ACSL5: variants seen among roughly 807,000 people sequenced by gnomAD.
The protein encoded by ACSL5 is long-chain-fatty-acid--CoA ligase 5.
ACSL5 carries 50 observed loss-of-function variants against 84.9 expected under a neutral mutation model. That is an observed-to-expected ratio of 0.59 (90% CI 0.47 to 0.75). The LOEUF (loss-of-function observed/expected upper bound fraction) is 0.75, where lower values mean the gene tolerates loss of function less well. Among genes scored for constraint, ACSL5 ranks in the 30% least tolerant of loss-of-function variants. The pLI is 0.00. For missense variants in ACSL5, 775 were observed against 830.4 expected, an observed-to-expected ratio of 0.93 and a Z score of 0.82; for synonymous variants, 280 against 300.7, an observed-to-expected ratio of 0.93 and a Z score of 0.71.
At chr10:112,402,460 T>A (rs1396839355) in intron 3 of ACSL5, among the ~76,000 whole-genome samples, 1 of 152,170 alleles carries the variant, frequency 6.6e-6, no homozygotes, top group Non-Finnish European at 1.5e-5. Flanking sequence ...GTACAAATGA[T>A]CTCAATGTTA....
rs11556760 is a variant in ACSL5 at position 112,427,382 on chromosome 10, G to A, written c.*24G>A. 3.7e-5 allele frequency: 59 copies of A among 1,590,960 alleles called. No individual in the cohort carries two copies. Among genetic ancestry groups the A allele is most frequent in the Admixed American group, 1.4e-4 (8 of 56,812 alleles). On this transcript the variant is annotated 3_prime_UTR_variant, in exon 21 of 21. Transcript: ENST00000354655. ...AGGATAAGGTACTTAAGTACCTGCC[G>A]GCCCACTGTGCACTGCTTGTGAGAA...
At chr10:112,394,860 T>G in intron 1 of ACSL5, 58 bp from the exon 2 acceptor site, 1 of 1,592,150 alleles carries the variant, frequency 6.3e-7, no homozygotes. Flanking sequence ...ATAGAGCTAT[T>G]GAGTACAAAA....
chr10:112,389,809 T>G (rs192384886), intron 1 of ACSL5, among the ~76,000 whole-genome samples: 7 of 152,046 alleles, frequency 4.6e-5, no homozygotes, highest in African/African-American at 1.7e-4. Flanking sequence ...GACCCAGGAG[T>G]CTCACCTTCT....
At chr10:112,374,818 C>T (rs1017699918) in intron 1 of ACSL5, among the ~76,000 whole-genome samples, 1 of 152,158 alleles carries the variant, frequency 6.6e-6, no homozygotes, top group Admixed American at 6.5e-5. Context: ...AACAGCATGG[C>T]CTAAGCTACA....
intron 5 of ACSL5, among the ~76,000 whole-genome samples, chr10:112,407,214 T>TTTTATTTA (rs1239437412): frequency 6.6e-6 from 1 of 151,866 alleles, no homozygotes; most frequent in African/African-American, 2.4e-5. Flanking sequence ...TGAGATTTTA[T>TTTTATTTA]TTTATTTATT....
At chr10:112,420,560 G>A (rs761835532) in intron 14 of ACSL5, among the ~76,000 whole-genome samples, 4 of 151,986 alleles carry the variant, frequency 2.6e-5, no homozygotes, top group Non-Finnish European at 5.9e-5. Flanking sequence ...TCATAGTGGG[G>A]GCTATTTCCC....
At position 112,378,267 on chromosome 10, in the gene ACSL5, C is replaced by G. The variant is rs573894713; in HGVS notation, c.-30+3998C>G. ...TTTTTTTTTTTTTTTTTGGAGGAGC[C>G]TCACTCTGTCACCTAGACTCCCAGG... On this transcript the variant is annotated intron_variant, in intron 1 of 20. Coordinates refer to ENST00000354655, the MANE Select transcript of ACSL5 (RefSeq NM_203379.2). Among the ~76,000 whole-genome samples the G allele has an allele frequency of 2.1e-3, 262 of 123,164 alleles. 2 individuals are homozygous for G. The highest frequency in any genetic ancestry group is 3.1e-3 in the Admixed American group (32 of 10,370). 80.8% of individuals were successfully genotyped at this position (123,164 alleles called of 152,430 possible).
intron 1 of ACSL5, among the ~76,000 whole-genome samples, chr10:112,385,608 A>G (rs1849434282): frequency 6.6e-6 from 1 of 152,176 alleles, no homozygotes; most frequent in Non-Finnish European, 1.5e-5. Context: ...CCTAATTGTA[A>G]ATAACTTGCT....
chr10:112,420,244 G>A (rs1447261324), intron 14 of ACSL5, among the ~76,000 whole-genome samples: 1 of 152,006 alleles, frequency 6.6e-6, no homozygotes, highest in African/African-American at 2.4e-5. Context: ...CCTATCACAG[G>A]CCACACCCCC....
At chr10:112,411,355 GCCT>G in intron 9 of ACSL5, 98 bp from the exon 10 acceptor site, 1 of 958,758 alleles carries the variant, frequency 1.0e-6, no homozygotes, top group South Asian at 1.4e-5. Context: ...AATGCTCTTG[GCCT>G]TCTGGAATAA....
chr10:112,409,787 G>T (rs778697846), intron 7 of ACSL5, 102 bp downstream of exon 7: 4 of 1,202,808 alleles, frequency 3.3e-6, no homozygotes, highest in Non-Finnish European at 3.6e-6. Flanking sequence ...TTCTCCAGGG[G>T]TGGCACGTGA....
intron 1 of ACSL5, among the ~76,000 whole-genome samples, chr10:112,378,672 G>A (rs1235337276): frequency 6.6e-6 from 1 of 152,108 alleles, no homozygotes; most frequent in Non-Finnish European, 1.5e-5. Context: ...TCTTGTGCCT[G>A]GCAGCATCAA....
intron 1 of ACSL5, among the ~76,000 whole-genome samples, chr10:112,374,864 G>C (rs1294478113): frequency 6.6e-6 from 1 of 152,162 alleles, no homozygotes; most frequent in African/African-American, 2.4e-5. Flanking sequence ...TTTGAGACTT[G>C]ATTGGTCAGT....
intron 5 of ACSL5, among the ~76,000 whole-genome samples, chr10:112,407,259 C>G (rs1844061750): frequency 6.6e-6 from 1 of 152,032 alleles, no homozygotes; most frequent in Non-Finnish European, 1.5e-5. Flanking sequence ...GAGTTTCACT[C>G]TGTTGCCAGG....
intron 19 of ACSL5, 95 bp from the exon 20 acceptor site, chr10:112,426,693 C>T: frequency 9.3e-7 from 1 of 1,076,210 alleles, no homozygotes; most frequent in Non-Finnish European, 1.4e-6. Flanking sequence ...TGCTTTCATA[C>T]TGCATGGCTT....
chr10:112,385,831 T>C (rs772802665), intron 1 of ACSL5, among the ~76,000 whole-genome samples: 13 of 152,234 alleles, frequency 8.5e-5, no homozygotes, highest in Non-Finnish European at 1.9e-4. Context: ...TTTCTGTTTA[T>C]AGATTTTAGG....
At chr10:112,381,001 C>A (rs1160302884) in intron 1 of ACSL5, among the ~76,000 whole-genome samples, 1 of 152,168 alleles carries the variant, frequency 6.6e-6, no homozygotes, top group African/African-American at 2.4e-5. Context: ...AACTCCTGGC[C>A]TCAAACGATC....
At chr10:112,425,240 A>G (rs1368714461) in intron 17 of ACSL5, 98 bp from the exon 18 acceptor site, 1 of 1,124,630 alleles carries the variant, frequency 8.9e-7, no homozygotes, top group Non-Finnish European at 1.2e-6. Flanking sequence ...TGGAGAAATC[A>G]GCTTTAGAGA....
rs779634727 is a variant in ACSL5 at position 112,413,242 on chromosome 10, A to C, written c.1018A>C (p.Met340Leu). 1.2e-6 allele frequency: 2 copies of C among 1,614,088 alleles called. No homozygotes were observed. The highest frequency in any genetic ancestry group is 1.3e-5 in the African/African-American group (1 of 74,938). Residue 340 changes from methionine (M) to leucine (L), a missense_variant, in exon 12 of 21, where the codon ATG becomes CTG. By Grantham distance (15) the Met-to-Leu change is conservative (BLOSUM62 2). Coordinates refer to ENST00000354655, the MANE Select transcript of ACSL5 (RefSeq NM_203379.2). ...QGDIRLLADD[M>L]KTLKPTLFPA... ...GGATATTCGGTTGCTGGCTGACGAC[A>C]TGAAGACTTTGAAGCCCACATTGTT...
Sources: allele counts gnomAD v4.1 joint callset (sites outside exome capture counted in the v4.1 genomes callset), GRCh38; gene constraint gnomAD v4.1.1; transcripts MANE v1.5; gene names NCBI Gene and HGNC (gene_info 2026-07-23, HGNC 2026-07-21).